The following SLC22A3 variants were observed in gnomAD, a reference collection of about 807,000 sequenced individuals.
SLC22A3 encodes EMT organic cation transporter 3.
Under a neutral mutation model 59.1 loss-of-function variants are expected in SLC22A3, and 51 were observed. The observed-to-expected ratio is 0.86, with a 90% CI of 0.69 to 1.09. SLC22A3 has a LOEUF of 1.09. Ranked by LOEUF, SLC22A3 falls within the 50% of genes least tolerant of loss-of-function variation. The probability of loss-of-function intolerance (pLI) is 0.00; values close to 1 mark genes in which losing one functional copy is unlikely to be tolerated. For synonymous variants in SLC22A3, 325 were observed against 292.0 expected (o/e 1.11, Z -1.15); for missense variants, 711 against 726.3 (o/e 0.98, Z 0.24).
chr6:160,362,845 G>A lies in SLC22A3; in HGVS notation c.429+13997G>A, dbSNP rs1785064711. 3.9e-5 allele frequency among the ~76,000 whole-genome samples: 6 copies of A among 152,338 alleles called. No individual in the cohort carries two copies. In the South Asian group the frequency reaches 1.2e-3, roughly 32 times the overall value. Reference sequence around the variant, plus strand: ...GGAGCCCCGAGCTCGAGGTGGTGCCGGCAGCCGCGCGCTCAGAGCTCCAAC... The same window carrying A: ...GGAGCCCCGAGCTCGAGGTGGTGCCAGCAGCCGCGCGCTCAGAGCTCCAAC... On this transcript the variant is annotated intron_variant, in intron 1 of 10. Coordinates refer to ENST00000275300, the MANE Select transcript of SLC22A3 (RefSeq NM_021977.4).
Position 160,398,014 on chromosome 6 carries a change from C to T in SLC22A3, c.465C>T (p.Asp155=). The T allele has an allele frequency of 6.2e-7, 1 of 1,613,722 alleles. No homozygotes were observed. Among genetic ancestry groups the T allele is most frequent in the Non-Finnish European group, 8.5e-7 (1 of 1,179,726 alleles). Residue 155 remains aspartate, a synonymous_variant, in exon 2 of 11, where the codon GAC becomes GAT. Coordinates refer to ENST00000275300, the MANE Select transcript of SLC22A3 (RefSeq NM_021977.4). ...TCTGTGTCAATGCGTGGATGCTGGA[C>T]CTCACCCAAGCCATCCTGAACCTCG... ...DLVCVNAWML[D]LTQAILNLGF...
At position 160,451,135 on chromosome 6, in the gene SLC22A3, G is replaced by A. The variant is rs1378481818; in HGVS notation, c.*79G>A. The A allele has an allele frequency of 5.3e-6, 7 of 1,310,450 alleles. No homozygotes were observed. Among genetic ancestry groups the A allele is most frequent in the African/African-American group, 1.5e-5 (1 of 68,296 alleles). 81.2% of individuals were successfully genotyped at this position (1,310,450 alleles called of 1,614,324 possible). Reference sequence around the variant, plus strand: ...AAAGCTGTGCCTTGCAGAGATGCACGTGTGCATTTCAGCTACATCATGCCG... The same window carrying A: ...AAAGCTGTGCCTTGCAGAGATGCACATGTGCATTTCAGCTACATCATGCCG... On this transcript the variant is annotated 3_prime_UTR_variant, in exon 11 of 11. Coordinates refer to ENST00000275300, the MANE Select transcript of SLC22A3 (RefSeq NM_021977.4).
Position 160,404,200 on chromosome 6 carries a change from CAAAA to C in SLC22A3, c.534-2833_534-2830del. Among the ~76,000 whole-genome samples the C allele has an allele frequency of 2.7e-5, 4 of 149,716 alleles. 1 individual carries two copies. In the Middle Eastern group the frequency reaches 0.014, roughly 513 times the overall value. On this transcript the variant is annotated intron_variant, in intron 2 of 10. Coordinates refer to ENST00000275300, the MANE Select transcript of SLC22A3 (RefSeq NM_021977.4). ...CAAAAGAATTAACAACAACAACAAC[CAAAA>C]AAAAAAACTCCTGAAACTAATAAGT... is the stretch of plus-strand genomic sequence containing the variant.
At chr6:160,353,806 A>G (rs416879) in intron 1 of SLC22A3, among the ~76,000 whole-genome samples, 75,996 of 151,538 alleles carry the variant, frequency 0.5, 19,378 homozygotes, top group African/African-American at 0.59. Context: ...ACAGAGAGAC[A>G]AGCTGGGTGT....
intron 3 of SLC22A3, 126 bp from the exon 4 acceptor site, chr6:160,408,627 G>A (rs995758442): frequency 1.2e-6 from 1 of 842,732 alleles, no homozygotes; most frequent in Admixed American, 2.2e-5. Flanking sequence ...GGAAGCCTCC[G>A]TATCTGAGTG....
chr6:160,378,437 G>A (rs927186508), intron 1 of SLC22A3, among the ~76,000 whole-genome samples: 1 of 152,178 alleles, frequency 6.6e-6, no homozygotes, highest in Non-Finnish European at 1.5e-5. Flanking sequence ...GTTACTGCAT[G>A]TTCTGACGAG....
At chr6:160,447,660 A>G in intron 9 of SLC22A3, 59 bp from the exon 10 acceptor site, 2 of 1,448,576 alleles carry the variant, frequency 1.4e-6, no homozygotes, top group Non-Finnish European at 1.9e-6. Flanking sequence ...AGCAGGCCCC[A>G]TGGGAGAGGG....
chr6:160,392,769 G>A (rs1011328921), intron 1 of SLC22A3, among the ~76,000 whole-genome samples: 1 of 152,046 alleles, frequency 6.6e-6, no homozygotes, highest in Non-Finnish European at 1.5e-5. Context: ...GCCATTATTA[G>A]GCTCTGTTAT....
chr6:160,449,346 C>T (rs944791201), intron 10 of SLC22A3, among the ~76,000 whole-genome samples: 1 of 151,830 alleles, frequency 6.6e-6, no homozygotes, highest in African/African-American at 2.4e-5. Flanking sequence ...ATTTAAGGTA[C>T]CCAGATTCTT....
intron 1 of SLC22A3, among the ~76,000 whole-genome samples, chr6:160,390,124 C>T (rs1786191795): frequency 6.6e-6 from 1 of 152,186 alleles, no homozygotes; most frequent in East Asian, 1.9e-4. Context: ...AATGGGGAGG[C>T]ATGAATTTAA....
intron 1 of SLC22A3, among the ~76,000 whole-genome samples, chr6:160,387,804 C>G (rs1271948397): frequency 6.6e-6 from 1 of 152,138 alleles, no homozygotes; most frequent in Admixed American, 6.5e-5. Flanking sequence ...TAATAGTTCT[C>G]CTAGTATCTT....
intron 1 of SLC22A3, among the ~76,000 whole-genome samples, chr6:160,366,957 GTCT>G (rs1274284906): frequency 6.6e-6 from 1 of 152,074 alleles, no homozygotes; most frequent in Non-Finnish European, 1.5e-5. Context: ...ACATTTTCCT[GTCT>G]TCTTCTGAGC....
intron 1 of SLC22A3, among the ~76,000 whole-genome samples, chr6:160,383,727 C>T (rs1785883443): frequency 6.6e-6 from 1 of 152,006 alleles, no homozygotes. Context: ...TCCAGTCTGC[C>T]CTCCTTATCC....
intron 1 of SLC22A3, among the ~76,000 whole-genome samples, chr6:160,362,987 G>GAGTGCAGGC (rs1321371989): frequency 1.3e-5 from 2 of 152,260 alleles, no homozygotes; most frequent in Admixed American, 1.3e-4. Flanking sequence ...GTCTCTAATT[G>GAGTGCAGGC]AGTGCAGGCA....
chr6:160,431,561 C>A (rs1042996518), intron 5 of SLC22A3, among the ~76,000 whole-genome samples: 1 of 152,040 alleles, frequency 6.6e-6, no homozygotes, highest in Non-Finnish European at 1.5e-5. Context: ...GTTATCAACA[C>A]CTCGTATTTT....
chr6:160,449,343 G>T (rs985670594), intron 10 of SLC22A3, among the ~76,000 whole-genome samples: 2 of 151,782 alleles, frequency 1.3e-5, no homozygotes, highest in Admixed American at 1.3e-4. Flanking sequence ...AAAATTTAAG[G>T]TACCCAGATT....
At chr6:160,447,372 G>A (rs1414119259) in intron 9 of SLC22A3, among the ~76,000 whole-genome samples, 1 of 152,134 alleles carries the variant, frequency 6.6e-6, no homozygotes, top group East Asian at 1.9e-4. Flanking sequence ...CAGTGAGCGG[G>A]CGCAGAGGGG....
intron 2 of SLC22A3, among the ~76,000 whole-genome samples, chr6:160,403,249 A>T (rs1289554322): frequency 6.6e-6 from 1 of 151,826 alleles, no homozygotes; most frequent in East Asian, 1.9e-4. Context: ...TAACAGGATA[A>T]TAAAGAAATA....
chr6:160,374,651 G>T (rs983488524), intron 1 of SLC22A3, among the ~76,000 whole-genome samples: 2 of 152,108 alleles, frequency 1.3e-5, no homozygotes, highest in African/African-American at 4.8e-5. Flanking sequence ...GTGTGGAGAG[G>T]CCCCTGGCTT....
Sources: allele counts gnomAD v4.1 joint callset (sites outside exome capture counted in the v4.1 genomes callset), GRCh38; gene constraint gnomAD v4.1.1; transcripts MANE v1.5; gene names NCBI Gene and HGNC (gene_info 2026-07-23, HGNC 2026-07-21).